The following ACVR1 variants were observed in gnomAD, a reference collection of about 807,000 sequenced individuals.
ACVR1 encodes the protein activin receptor type-1.
ACVR1 carries 38 observed loss-of-function variants against 57.1 expected under a neutral mutation model. The ratio of observed to expected loss-of-function variants is 0.67; its 90% CI spans 0.51 to 0.87. The LOEUF (loss-of-function observed/expected upper bound fraction) is 0.87. ACVR1 is among the 40% of genes least tolerant of loss of function. ACVR1 has a pLI of 0.00. For missense variants in ACVR1, 463 were observed against 638.2 expected (o/e 0.73, Z 2.96); for synonymous variants, 212 against 228.1 (o/e 0.93, Z 0.63).
At position 157,766,067 on chromosome 2, in the gene ACVR1, C is replaced by A. The variant is rs766547414; in HGVS notation, c.920G>T (p.Arg307Leu). The A allele has an allele frequency of 4.3e-6, 7 of 1,613,904 alleles. No homozygotes were observed. Among genetic ancestry groups the A allele is most frequent in the Non-Finnish European group, 5.9e-6 (7 of 1,179,986 alleles). ...LTTLDTVSCL[R>L]IVLSIASGLA... ...ACCACTAGCTATGGACAGCACTATT[C>A]GAAGGCAGCTAACTGTATCCAGAGT... is the stretch of plus-strand genomic sequence containing the variant. The change falls in exon 8 of 11, where the codon CGA becomes CTA. Residue 307 changes from arginine (R) to leucine (L), a missense_variant. Transcript: ENST00000434821.
intron 9 of ACVR1, among the ~76,000 whole-genome samples, chr2:157,755,008 TCA>T (rs1267840597): frequency 6.6e-6 from 1 of 151,794 alleles, no homozygotes; most frequent in African/African-American, 2.4e-5. Context: ...AAAACAAAAA[TCA>T]CATGATCATC....
intron 9 of ACVR1, among the ~76,000 whole-genome samples, chr2:157,739,696 C>T (rs1285058848): frequency 1.3e-5 from 2 of 152,166 alleles, no homozygotes; most frequent in Non-Finnish European, 1.5e-5. Context: ...CTTCAATTCC[C>T]TTTTCATTTA....
Position 157,859,207 on chromosome 2 carries a change from A to C in ACVR1, c.-183+16589T>G, listed in dbSNP as rs1204284672. Among the ~76,000 whole-genome samples, 7 of 152,266 alleles carry C rather than the reference A, an allele frequency of 4.6e-5. No individual in the cohort carries two copies. In the East Asian group the frequency reaches 9.6e-4, roughly 21 times the overall value. Reference sequence around the variant, plus strand: ...CTCACTGATAAAACAGGTTGCGGTAAAGAAGCCAGCCAAAACTCACCAAAA... The same window carrying C: ...CTCACTGATAAAACAGGTTGCGGTACAGAAGCCAGCCAAAACTCACCAAAA... On this transcript the variant is annotated intron_variant, in intron 1 of 10. Coordinates refer to ENST00000434821, the MANE Select transcript of ACVR1 (RefSeq NM_001111067.4).
chr2:157,751,284 C>A (rs1310726306), intron 9 of ACVR1, among the ~76,000 whole-genome samples: 1 of 152,228 alleles, frequency 6.6e-6, no homozygotes, highest in African/African-American at 2.4e-5. Context: ...GCACAGGAAG[C>A]AGCAGGAAAT....
Position 157,798,094 on chromosome 2 carries a change from C to T in ACVR1, c.67+1333G>A, listed in dbSNP as rs144848932. Among the ~76,000 whole-genome samples the T allele has an allele frequency of 2.6e-5, 4 of 152,244 alleles. No individual in the cohort carries two copies. The East Asian group carries it at 7.7e-4, about 29-fold the overall frequency. On this transcript the variant is annotated intron_variant, in intron 3 of 10. Coordinates refer to ENST00000434821, the MANE Select transcript of ACVR1 (RefSeq NM_001111067.4). ...TTTTTGTTGTAACATCCCAAATAGG[C>T]CAAGACATGGCCGTTGCACTACAAG...
chr2:157,760,799 ATAG>A, intron 9 of ACVR1, 78 bp downstream of exon 9: 2 of 1,351,316 alleles, frequency 1.5e-6, no homozygotes, highest in South Asian at 2.4e-5. Context: ...GTGAATTTCA[ATAG>A]TCCCTTCAGC....
intron 8 of ACVR1, among the ~76,000 whole-genome samples, chr2:157,763,819 T>C (rs1263591438): frequency 6.6e-6 from 1 of 152,228 alleles, no homozygotes; most frequent in Non-Finnish European, 1.5e-5. Flanking sequence ...ATACAAATTA[T>C]GGTCTTATAA....
intron 8 of ACVR1, among the ~76,000 whole-genome samples, chr2:157,764,284 G>A (rs938753692): frequency 6.6e-6 from 1 of 151,722 alleles, no homozygotes; most frequent in Non-Finnish European, 1.5e-5. Context: ...CTGGGTTCAA[G>A]CAATTCTGCT....
intron 1 of ACVR1, among the ~76,000 whole-genome samples, chr2:157,840,601 A>G (rs1196546904): frequency 6.6e-6 from 1 of 152,228 alleles, no homozygotes; most frequent in African/African-American, 2.4e-5. Flanking sequence ...AGGAAGCTAA[A>G]TTCATGACCT....
intron 1 of ACVR1, among the ~76,000 whole-genome samples, chr2:157,831,026 G>A (rs1433146278): frequency 6.6e-6 from 1 of 152,072 alleles, no homozygotes; most frequent in Non-Finnish European, 1.5e-5. Context: ...TGAATTCCTG[G>A]TCTCAAACAA....
intron 8 of ACVR1, among the ~76,000 whole-genome samples, chr2:157,762,680 A>G (rs1179136413): frequency 6.6e-6 from 1 of 152,202 alleles, no homozygotes; most frequent in Admixed American, 6.5e-5. Context: ...TATTGAATAG[A>G]CTATGGCATA....
chr2:157,865,832 A>ATAGATAGT (rs1689906980), intron 1 of ACVR1, among the ~76,000 whole-genome samples: 1 of 148,342 alleles, frequency 6.7e-6, no homozygotes. Flanking sequence ...AGATAGATAG[A>ATAGATAGT]TAGATAGATA....
At chr2:157,822,605 T>C (rs1177168133) in intron 1 of ACVR1, among the ~76,000 whole-genome samples, 1 of 152,224 alleles carries the variant, frequency 6.6e-6, no homozygotes, top group Non-Finnish European at 1.5e-5. Context: ...TACAAAGAAT[T>C]GTAGCATAGC....
chr2:157,758,990 A>G (rs768797377), intron 9 of ACVR1, among the ~76,000 whole-genome samples: 1 of 152,104 alleles, frequency 6.6e-6, no homozygotes, highest in African/African-American at 2.4e-5. Flanking sequence ...GGATACAACA[A>G]AAGAATTGGT....
Position 157,738,690 on chromosome 2 carries a change from T to C in ACVR1, c.1265-120A>G, listed in dbSNP as rs1574001556. 8.8e-6 allele frequency: 13 copies of C among 1,473,684 alleles called. No individual in the cohort carries two copies. The East Asian group carries it at 3.0e-4, about 34-fold the overall frequency. 91.3% of individuals were successfully genotyped at this position (1,473,684 alleles called of 1,614,324 possible). A position where few individuals can be genotyped will look rare whatever the true frequency, so the allele number is the denominator to read the frequency against. On this transcript the variant is annotated intron_variant, in intron 9 of 10. Transcript: ENST00000434821. ...AAGAAAATACTAATCACCTTCCTCA[T>C]ACCTCAGGGCAGTCCTGGAAGCTAG... is the stretch of plus-strand genomic sequence containing the variant.
At chr2:157,858,119 T>C (rs575021547) in intron 1 of ACVR1, among the ~76,000 whole-genome samples, 12 of 152,140 alleles carry the variant, frequency 7.9e-5, no homozygotes, top group Non-Finnish European at 1.8e-4. Context: ...TATGCTAAAC[T>C]TACGAACACT....
intron 3 of ACVR1, among the ~76,000 whole-genome samples, chr2:157,783,732 G>C (rs539348236): frequency 2.6e-5 from 4 of 152,240 alleles, no homozygotes; most frequent in African/African-American, 9.6e-5. Context: ...CAGCTAACAG[G>C]GAAGTACAAA....
chr2:157,805,950 A>G (rs1302711765), intron 2 of ACVR1, among the ~76,000 whole-genome samples: 2 of 150,746 alleles, frequency 1.3e-5, no homozygotes, highest in Non-Finnish European at 1.5e-5. Context: ...CAGCCCCTCA[A>G]GTAGTGGGGA....
chr2:157,757,839 G>A (rs1685495435), intron 9 of ACVR1, among the ~76,000 whole-genome samples: 1 of 151,048 alleles, frequency 6.6e-6, no homozygotes, highest in Admixed American at 6.6e-5. Context: ...AAATGAGAAG[G>A]AGAAAAAATT....
Sources: gnomAD v4.1 joint callset for allele counts (sites outside exome capture counted in the v4.1 genomes callset) on GRCh38, gnomAD v4.1.1 for gene constraint, MANE v1.5 for transcripts, NCBI Gene and HGNC (gene_info 2026-07-23, HGNC 2026-07-21) for gene names.